Variants in RTN1 observed in about 807,000 individuals in gnomAD.
RTN1 encodes reticulon 1.
Under a neutral mutation model 65.5 loss-of-function variants are expected in RTN1, and 25 were observed. The ratio of observed to expected loss-of-function variants is 0.38; its 90% CI spans 0.28 to 0.53. RTN1 has a LOEUF of 0.53. Ranked by LOEUF, RTN1 falls within the 20% of genes least tolerant of loss-of-function variation. The pLI is 0.79. For missense variants in RTN1, 983 were observed against 1,025.4 expected (o/e 0.96, Z 0.57); for synonymous variants, 471 against 447.6 (o/e 1.05, Z -0.66).
At chr14:59,720,226 C>A (rs1393226089) in intron 3 of RTN1, among the ~76,000 whole-genome samples, 2 of 149,668 alleles carry the variant, frequency 1.3e-5, no homozygotes, top group African/African-American at 5.0e-5. Context: ...AGAAGGAAAC[C>A]CCACCACTCA....
At chr14:59,782,777 T>A (rs1268411274) in intron 1 of RTN1, among the ~76,000 whole-genome samples, 1 of 152,198 alleles carries the variant, frequency 6.6e-6, no homozygotes, top group Non-Finnish European at 1.5e-5. Flanking sequence ...AACATTTTTT[T>A]CAGGTAGCTG....
chr14:59,648,413 A>G (rs1882947466), intron 3 of RTN1, among the ~76,000 whole-genome samples: 1 of 152,244 alleles, frequency 6.6e-6, no homozygotes, highest in South Asian at 2.1e-4. Context: ...CAACAAAATG[A>G]GAAGGGACTC....
chr14:59,765,561 T>G (rs1347532117), intron 1 of RTN1, among the ~76,000 whole-genome samples: 2 of 152,198 alleles, frequency 1.3e-5, no homozygotes, highest in African/African-American at 4.8e-5. Flanking sequence ...GAAGGCAAAA[T>G]AGACATCATA....
intron 3 of RTN1, among the ~76,000 whole-genome samples, chr14:59,629,894 T>A (rs1351538367): frequency 6.6e-6 from 1 of 152,210 alleles, no homozygotes; most frequent in Non-Finnish European, 1.5e-5. Context: ...AAGTGAACCA[T>A]CCTAATATGT....
chr14:59,769,904 T>G (rs987902447), intron 1 of RTN1, among the ~76,000 whole-genome samples: 1 of 152,126 alleles, frequency 6.6e-6, no homozygotes, highest in African/African-American at 2.4e-5. Flanking sequence ...GAGGAACTGG[T>G]GTTTTATGGA....
At chr14:59,718,804 C>T (rs1371606316) in intron 3 of RTN1, among the ~76,000 whole-genome samples, 1 of 152,156 alleles carries the variant, frequency 6.6e-6, no homozygotes, top group African/African-American at 2.4e-5. Context: ...AATATTTTTG[C>T]ATCTCTTTGT....
intron 1 of RTN1, among the ~76,000 whole-genome samples, chr14:59,850,084 C>T (rs1310796172): frequency 6.6e-6 from 1 of 152,168 alleles, no homozygotes; most frequent in Non-Finnish European, 1.5e-5. Flanking sequence ...CCTGTCTCTT[C>T]AGTTGACACT....
chr14:59,819,799 A>T (rs1201956956), intron 1 of RTN1, among the ~76,000 whole-genome samples: 4 of 152,052 alleles, frequency 2.6e-5, no homozygotes, highest in Admixed American at 6.6e-5. Flanking sequence ...CATCCTACTC[A>T]GCTGCTGGCC....
intron 3 of RTN1, among the ~76,000 whole-genome samples, chr14:59,692,934 G>A (rs1387224125): frequency 6.6e-6 from 1 of 152,126 alleles, no homozygotes; most frequent in Non-Finnish European, 1.5e-5. Context: ...TAATAATTAG[G>A]TATTTGCTAC....
chr14:59,800,434 T>G (rs941250799), intron 1 of RTN1, among the ~76,000 whole-genome samples: 1 of 152,208 alleles, frequency 6.6e-6, no homozygotes, highest in Non-Finnish European at 1.5e-5. Context: ...AGAGTCTCAC[T>G]CTGTCCCCCA....
At chr14:59,760,681 T>A (rs151113260) in intron 1 of RTN1, among the ~76,000 whole-genome samples, 5 of 152,240 alleles carry the variant, frequency 3.3e-5, no homozygotes, top group African/African-American at 1.2e-4. Context: ...ACCTTCTTCA[T>A]CCTCTTCTTC....
At chr14:59,799,793 T>A (rs192923599) in intron 1 of RTN1, among the ~76,000 whole-genome samples, 1 of 152,276 alleles carries the variant, frequency 6.6e-6, no homozygotes, top group East Asian at 1.9e-4. Context: ...GAAAAAAAGC[T>A]GTAAGTCACT....
chr14:59,736,958 T>G (rs1885013862), intron 2 of RTN1, among the ~76,000 whole-genome samples: 1 of 152,196 alleles, frequency 6.6e-6, no homozygotes, highest in Non-Finnish European at 1.5e-5. Context: ...TCAATAAAAT[T>G]CAACATTCCT....
At chr14:59,780,081 C>T (rs561501520) in intron 1 of RTN1, among the ~76,000 whole-genome samples, 1 of 152,272 alleles carries the variant, frequency 6.6e-6, no homozygotes, top group Admixed American at 6.5e-5. Context: ...ACCACTGTGC[C>T]AGGCACTGAG....
chr14:59,658,173 G>A (rs766656706), intron 3 of RTN1, among the ~76,000 whole-genome samples: 58 of 152,248 alleles, frequency 3.8e-4, no homozygotes, highest in Admixed American at 3.3e-4. Context: ...GCTTAGCAAA[G>A]CCACTGTAGA....
In RTN1 at chr14:59,794,365, T is replaced by C. The variant is rs1886403498; in HGVS notation, c.242-47884A>G. On this transcript the variant is annotated intron_variant, in intron 1 of 8. Transcript: ENST00000267484. The surrounding 1 kb of genome is among the most constrained non-coding windows in gnomAD (Gnocchi z 5.1). The stretch of plus-strand genomic sequence containing the variant: ...TGGAAGGAATTATAGACAAAAAGCA[T>C]CACAAACTTGAAAGTATTCTAAGCC... Among the ~76,000 whole-genome samples the C allele has an allele frequency of 6.6e-6, 1 of 152,138 alleles. No individual in the cohort carries two copies. The highest frequency in any genetic ancestry group is 2.4e-5 in the African/African-American group (1 of 41,432).
chr14:59,606,887 A>T (rs1476216103), intron 4 of RTN1, among the ~76,000 whole-genome samples: 1 of 152,178 alleles, frequency 6.6e-6, no homozygotes, highest in African/African-American at 2.4e-5. Context: ...CAAATACCCT[A>T]GTCCTGGTTT....
At chr14:59,694,792 G>A (rs976920388) in intron 3 of RTN1, among the ~76,000 whole-genome samples, 1 of 152,176 alleles carries the variant, frequency 6.6e-6, no homozygotes, top group African/African-American at 2.4e-5. Flanking sequence ...TTGACAAGGA[G>A]TTTACACTAG....
rs1289350123 is a variant in RTN1, at chr14:59,749,348, C to A, written c.242-2867G>T. 6.0e-3 allele frequency among the ~76,000 whole-genome samples: 200 copies of A among 33,474 alleles called. 20 individuals carry two copies. Among genetic ancestry groups the A allele is most frequent in the African/African-American group, 0.046 (190 of 4,106 alleles). 22.0% of individuals were successfully genotyped at this position (33,474 alleles called of 152,430 possible). A position where few individuals can be genotyped will look rare whatever the true frequency, so the allele number is the denominator to read the frequency against. On this transcript the variant is annotated intron_variant, in intron 1 of 8. Coordinates refer to ENST00000267484, the MANE Select transcript of RTN1 (RefSeq NM_021136.3). Reference sequence around the variant, plus strand: ...TATATCTATATATATCTATATATATCTATATATATCTATATATATATCTAT... The same window carrying A: ...TATATCTATATATATCTATATATATATATATATATCTATATATATATCTAT...
Sources: allele counts gnomAD v4.1 joint callset (sites outside exome capture counted in the v4.1 genomes callset), GRCh38; gene constraint gnomAD v4.1.1; non-coding constraint Gnocchi (gnomAD v3.1); transcripts MANE v1.5; gene names NCBI Gene and HGNC (gene_info 2026-07-23, HGNC 2026-07-21).